SLC10A6: variants seen among roughly 807,000 people sequenced by gnomAD.
SLC10A6 encodes the protein solute carrier family 10 member 6, also known as sodium-dependent organic anion transporter.
In SLC10A6, 27 loss-of-function variants were observed where a neutral mutation model predicts 30.0. That is an observed-to-expected ratio of 0.90 (90% CI 0.66 to 1.24). The LOEUF (loss-of-function observed/expected upper bound fraction) is 1.24. Among genes scored for constraint, SLC10A6 ranks in the 50% most tolerant of loss-of-function variants. SLC10A6 has a pLI of 0.00. For missense variants in SLC10A6, 439 were observed against 457.0 expected (o/e 0.96, Z 0.36); for synonymous variants, 166 against 173.8 (o/e 0.95, Z 0.36).
chr4:86,824,508 T>C (rs1375512024), intron 5 of SLC10A6, among the ~76,000 whole-genome samples: 1 of 152,146 alleles, frequency 6.6e-6, no homozygotes, highest in Non-Finnish European at 1.5e-5. Flanking sequence ...TCAGACCCAA[T>C]TCCCTAACAG....
chr4:86,844,070 C>T (rs1179578652), intron 1 of SLC10A6, among the ~76,000 whole-genome samples: 3 of 151,878 alleles, frequency 2.0e-5, no homozygotes, highest in Non-Finnish European at 4.4e-5. Flanking sequence ...CCCAGCTACT[C>T]GGGAGGCTGA....
intron 5 of SLC10A6, among the ~76,000 whole-genome samples, chr4:86,824,426 G>C (rs968989491): frequency 7.2e-5 from 11 of 152,068 alleles, no homozygotes; most frequent in Non-Finnish European, 1.6e-4. Flanking sequence ...TGTTATATCT[G>C]TAATCAGTAT....
intron 1 of SLC10A6, among the ~76,000 whole-genome samples, chr4:86,840,016 C>A (rs1027900056): frequency 1.3e-5 from 2 of 151,582 alleles, no homozygotes; most frequent in African/African-American, 4.8e-5. Flanking sequence ...TCAAGCAATT[C>A]TCTCTGCCCC....
chr4:86,835,716 GA>G (rs1746170915), intron 1 of SLC10A6, among the ~76,000 whole-genome samples: 1 of 145,216 alleles, frequency 6.9e-6, no homozygotes, highest in African/African-American at 2.7e-5. Flanking sequence ...AAGAAGAAAA[GA>G]AAGAAAAGGA....
At chr4:86,827,179 G>A (rs145081800) in intron 4 of SLC10A6, among the ~76,000 whole-genome samples, 11 of 152,294 alleles carry the variant, frequency 7.2e-5, no homozygotes, top group Admixed American at 1.3e-4. Context: ...TCTTGCCATA[G>A]GAGTACTTTC....
At chr4:86,846,912 TA>T (rs1164916249) in intron 1 of SLC10A6, among the ~76,000 whole-genome samples, 2 of 152,186 alleles carry the variant, frequency 1.3e-5, no homozygotes, top group Non-Finnish European at 2.9e-5. Context: ...CAAAAGAAAG[TA>T]AAAGTAGCTT....
chr4:86,848,903 T>C lies in SLC10A6; in HGVS notation c.213A>G (p.Gly71=). The change falls in exon 1 of 6, where the codon GGA becomes GGG. Residue 71 remains glycine, a synonymous_variant. Transcript: ENST00000273905. ...HIRRPWGIAV[G]LLCQFGLMPF... is the part of the protein sequence containing the mutation. The stretch of plus-strand genomic sequence containing the variant: ...GCATGAGCCCAAACTGGCAGAGCAG[T>C]CCCACAGCAATGCCCCAGGGTCTCC... The C allele has an allele frequency of 6.2e-7, 1 of 1,614,160 alleles. No individual in the cohort carries two copies. Among genetic ancestry groups the C allele is most frequent in the Non-Finnish European group, 8.5e-7 (1 of 1,180,030 alleles).
intron 1 of SLC10A6, among the ~76,000 whole-genome samples, chr4:86,847,445 T>C (rs1476857878): frequency 6.6e-6 from 1 of 152,200 alleles, no homozygotes; most frequent in Non-Finnish European, 1.5e-5. Context: ...GAATTAGCAA[T>C]GTATATTAAT....
chr4:86,829,344 G>A (rs1746043378), intron 3 of SLC10A6, among the ~76,000 whole-genome samples: 2 of 152,252 alleles, frequency 1.3e-5, no homozygotes, highest in South Asian at 2.1e-4. Context: ...CCAGGAGGTG[G>A]AGGTTGCAGT....
In SLC10A6 at chr4:86,823,907, G is replaced by A; in HGVS notation, c.920-5C>T. The A allele has an allele frequency of 6.3e-7, 1 of 1,593,816 alleles. No homozygotes were observed. Among genetic ancestry groups the A allele is most frequent in the Non-Finnish European group, 8.6e-7 (1 of 1,169,012 alleles). On this transcript the variant is annotated splice_region_variant and splice_polypyrimidine_tract_variant and intron_variant, in intron 5 of 5. Transcript: ENST00000273905. ...TCCTCTTGTACGTCTGATATGCTAG[G>A]TGTTAAAACATACAAGTATTAACAA...
Position 86,849,339 on chromosome 4 carries a change from G to A in SLC10A6, c.-224C>T. 6 of 555,888 alleles carry A rather than the reference G, an allele frequency of 1.1e-5. No individual in the cohort carries two copies. Among genetic ancestry groups the A allele is most frequent in the Non-Finnish European group, 1.6e-5 (5 of 317,348 alleles). 34.4% of individuals were successfully genotyped at this position (555,888 alleles called of 1,614,324 possible). On this transcript the variant is annotated 5_prime_UTR_variant, in exon 1 of 6. Transcript: ENST00000273905. Reference sequence around the variant, plus strand: ...TGAAACATATAATAAACTGTGGTAAGTAAGGCTTTCCACTTCTGTTCTTAC... The same window carrying A: ...TGAAACATATAATAAACTGTGGTAAATAAGGCTTTCCACTTCTGTTCTTAC...
rs1746434336 is a variant in SLC10A6, at chr4:86,848,805, C to T, written c.311G>A (p.Gly104Asp). Reference sequence around the variant, plus strand: ...AGAGATGGTGCCCCCCGGGCAGCAGCCCATGATGAGAACAGCAATAGCTTG... The same window carrying T: ...AGAGATGGTGCCCCCCGGGCAGCAGTCCATGATGAGAACAGCAATAGCTTG... The part of the protein sequence containing the change: ...PVQAIAVLIM[G>D]CCPGGTISNI... Residue 104 changes from glycine to aspartate, a missense_variant, in exon 1 of 6, where the codon GGC (glycine) becomes GAC (aspartate). Transcript: ENST00000273905. 6.2e-7 allele frequency: 1 copy of T among 1,613,808 alleles called. No individual in the cohort carries two copies. Among genetic ancestry groups the T allele is most frequent in the Non-Finnish European group, 8.5e-7 (1 of 1,179,858 alleles).
chr4:86,845,311 T>C (rs969033067), intron 1 of SLC10A6, among the ~76,000 whole-genome samples: 2 of 152,152 alleles, frequency 1.3e-5, no homozygotes, highest in Non-Finnish European at 2.9e-5. Context: ...TGGAAGAGTG[T>C]GAGATATGCT....
At chr4:86,828,986 C>T (rs776405089) in intron 3 of SLC10A6, among the ~76,000 whole-genome samples, 7 of 152,028 alleles carry the variant, frequency 4.6e-5, no homozygotes, top group Non-Finnish European at 1.0e-4. Flanking sequence ...GGAGGATGGT[C>T]GTAGGAAACT....
At chr4:86,836,493 G>A (rs939363401) in intron 1 of SLC10A6, among the ~76,000 whole-genome samples, 1 of 152,190 alleles carries the variant, frequency 6.6e-6, no homozygotes, top group African/African-American at 2.4e-5. Context: ...CACCAAGGAA[G>A]TTTGTTCCTT....
intron 1 of SLC10A6, among the ~76,000 whole-genome samples, chr4:86,834,389 T>A (rs1746145113): frequency 6.6e-6 from 1 of 152,182 alleles, no homozygotes; most frequent in African/African-American, 2.4e-5. Flanking sequence ...TACCCTCAGG[T>A]ATTCCTTCAT....
chr4:86,842,707 AAAAAGAAAAG>A lies in SLC10A6; in HGVS notation c.377+6022_377+6031del, dbSNP rs527444104. Reference sequence around the variant, plus strand: ...TCTAAGACCCTGTCTCAAAAAAAAAAAAAAGAAAAGAAAAGAAAAGAAAAGAAAAGACAAG... The same window carrying A: ...TCTAAGACCCTGTCTCAAAAAAAAAAAAAAGAAAAGAAAAGAAAAGACAAG... On this transcript the variant is annotated intron_variant, in intron 1 of 5. Coordinates refer to ENST00000273905, the MANE Select transcript of SLC10A6 (RefSeq NM_197965.3). 5.5e-4 allele frequency among the ~76,000 whole-genome samples: 48 copies of A among 87,666 alleles called. 4 individuals are homozygous for A. The highest frequency in any genetic ancestry group is 1.0e-3 in the Admixed American group (10 of 9,784). The allele number at this position is 87,666 out of a possible 152,430, so 57.5% of individuals were successfully genotyped here.
chr4:86,831,909 T>C, intron 2 of SLC10A6, 29 bp from the exon 3 acceptor site: 1 of 1,552,172 alleles, frequency 6.4e-7, no homozygotes. Context: ...CATGAGAGGG[T>C]TTTCCCTCTC....
rs201976818 is a variant in SLC10A6, at chr4:86,848,694, G to A, written c.377+45C>T. 34 of 1,524,242 alleles carry A rather than the reference G, an allele frequency of 2.2e-5. No homozygotes were observed. The East Asian group carries it at 7.7e-4, about 35-fold the overall frequency. The allele number at this position is 1,524,242 out of a possible 1,614,324, so 94.4% of individuals were successfully genotyped here. ...ACAAGAGTTTCAGTTATTCCCCCTA[G>A]GCAGGATAAGAGACAGACTGCTGAG... is the stretch of plus-strand genomic sequence containing the variant. On this transcript the variant is annotated intron_variant, in intron 1 of 5. Coordinates refer to ENST00000273905, the MANE Select transcript of SLC10A6 (RefSeq NM_197965.3).
Sources: gnomAD v4.1 joint callset for allele counts (sites outside exome capture counted in the v4.1 genomes callset) on GRCh38, gnomAD v4.1.1 for gene constraint, MANE v1.5 for transcripts, NCBI Gene and HGNC (gene_info 2026-07-23, HGNC 2026-07-21) for gene names.